The following OCA2 variants were observed in gnomAD, a reference collection of about 807,000 sequenced individuals.
The protein encoded by OCA2 is P protein.
In OCA2, 77 loss-of-function variants were observed where a neutral mutation model predicts 100.2. The observed-to-expected ratio is 0.77, with a 90% CI of 0.64 to 0.93. The LOEUF (loss-of-function observed/expected upper bound fraction) is 0.93, where lower values mean the gene tolerates loss of function less well. Among genes scored for constraint, OCA2 ranks in the 40% least tolerant of loss-of-function variants. The pLI, the probability that OCA2 is intolerant of heterozygous loss-of-function variation, is 0.00. For missense variants in OCA2, 1,062 were observed against 1,089.1 expected (o/e 0.98, Z 0.35); for synonymous variants, 432 against 439.2 (o/e 0.98, Z 0.21).
At chr15:27,967,334 G>T (rs553990716) in intron 14 of OCA2, among the ~76,000 whole-genome samples, 4 of 152,202 alleles carry the variant, frequency 2.6e-5, no homozygotes, top group African/African-American at 9.6e-5. Flanking sequence ...AATTGTTAAC[G>T]TTTGTTTCTT....
At chr15:27,758,748 T>G (rs772856952) in intron 23 of OCA2, among the ~76,000 whole-genome samples, 38 of 151,894 alleles carry the variant, frequency 2.5e-4, no homozygotes, top group Non-Finnish European at 5.3e-4. Context: ...AAAGAATCGG[T>G]GAACTTGAAG....
At chr15:27,770,409 C>A (rs1239791369) in intron 23 of OCA2, among the ~76,000 whole-genome samples, 2 of 152,198 alleles carry the variant, frequency 1.3e-5, no homozygotes, top group Non-Finnish European at 2.9e-5. Context: ...CCGTCTCCGC[C>A]GGCAGAAGAG....
intron 2 of OCA2, among the ~76,000 whole-genome samples, chr15:28,074,684 A>C (rs1432150843): frequency 3.3e-5 from 5 of 151,290 alleles, no homozygotes; most frequent in African/African-American, 1.2e-4. Context: ...AAAAAAAAAA[A>C]AAAAAAAAAA....
intron 22 of OCA2, among the ~76,000 whole-genome samples, chr15:27,848,204 C>A (rs1442167855): frequency 6.6e-6 from 1 of 152,204 alleles, no homozygotes; most frequent in African/African-American, 2.4e-5. Flanking sequence ...CTGGCCAGGA[C>A]CAGAAACCCA....
intron 23 of OCA2, among the ~76,000 whole-genome samples, chr15:27,820,975 C>G (rs545412725): frequency 5.9e-5 from 9 of 152,174 alleles, no homozygotes; most frequent in Non-Finnish European, 1.2e-4. Context: ...GAGAGATACA[C>G]ACTGTTCTCC....
chr15:27,981,910 A>C (rs1244094832), intron 14 of OCA2, among the ~76,000 whole-genome samples: 1 of 152,064 alleles, frequency 6.6e-6, no homozygotes, highest in African/African-American at 2.4e-5. Flanking sequence ...CCCTCCCTGC[A>C]CTGCACTCTG....
chr15:27,846,490 C>T (rs1292311462), intron 22 of OCA2, among the ~76,000 whole-genome samples: 2 of 152,242 alleles, frequency 1.3e-5, no homozygotes, highest in African/African-American at 2.4e-5. Flanking sequence ...CAGCAACTTG[C>T]GTGAGTGCTG....
At chr15:27,722,770 T>G in the OCA2 span, among the ~76,000 whole-genome samples, 1 of 82,878 alleles carries the variant, frequency 1.2e-5, no homozygotes, top group South Asian at 4.3e-4. Flanking sequence ...CCTTTCTTTC[T>G]TTTCTTTCTT....
chr15:27,758,601 T>C (rs1322975160), intron 23 of OCA2, among the ~76,000 whole-genome samples: 2 of 151,926 alleles, frequency 1.3e-5, no homozygotes, highest in Non-Finnish European at 2.9e-5. Context: ...CAAACACACT[T>C]GAAATAAGTG....
At chr15:28,088,567 TGAGA>T (rs1339297258) in intron 1 of OCA2, among the ~76,000 whole-genome samples, 3 of 152,170 alleles carry the variant, frequency 2.0e-5, no homozygotes, top group Admixed American at 6.5e-5. Flanking sequence ...TCGGCTGGTC[TGAGA>T]AATAAAGGGA....
intron 18 of OCA2, among the ~76,000 whole-genome samples, chr15:27,940,512 C>T (rs781314469): frequency 6.6e-6 from 1 of 152,214 alleles, no homozygotes; most frequent in Non-Finnish European, 1.5e-5. Flanking sequence ...TCACAAAACG[C>T]CAGTGTCTCT....
intron 1 of OCA2, among the ~76,000 whole-genome samples, chr15:28,096,511 G>A (rs1317680592): frequency 2.0e-5 from 3 of 152,190 alleles, no homozygotes; most frequent in Non-Finnish European, 1.5e-5. Context: ...GCCTGAAGAA[G>A]CCCGTCCAGG....
intron 15 of OCA2, among the ~76,000 whole-genome samples, chr15:27,958,901 C>A (rs2040318486): frequency 6.6e-6 from 1 of 152,118 alleles, no homozygotes; most frequent in Non-Finnish European, 1.5e-5. Context: ...AGATTCAAGG[C>A]ATGGTGATCA....
chr15:27,722,457 G>A, the OCA2 span, among the ~76,000 whole-genome samples: 4 of 152,178 alleles, frequency 2.6e-5, no homozygotes, highest in Non-Finnish European at 5.9e-5. Flanking sequence ...GGCAGGTATG[G>A]GCAATCTGGT....
intron 2 of OCA2, among the ~76,000 whole-genome samples, chr15:28,055,487 G>A (rs1404036508): frequency 6.6e-6 from 1 of 152,182 alleles, no homozygotes; most frequent in Non-Finnish European, 1.5e-5. Context: ...GGGCAGAGTT[G>A]GCCTTTCACG....
At chr15:27,959,427 A>T (rs2040338050) in intron 15 of OCA2, among the ~76,000 whole-genome samples, 1 of 152,208 alleles carries the variant, frequency 6.6e-6, no homozygotes. Context: ...GAACACAAAA[A>T]CACCATCTGT....
intron 23 of OCA2, among the ~76,000 whole-genome samples, chr15:27,825,978 C>T (rs548293585): frequency 3.3e-5 from 5 of 152,344 alleles, no homozygotes; most frequent in East Asian, 1.9e-4. Context: ...TTCAGCTTCT[C>T]AATTCCAGAC....
At chr15:27,830,680 G>A (rs2034915045) in intron 23 of OCA2, among the ~76,000 whole-genome samples, 1 of 152,064 alleles carries the variant, frequency 6.6e-6, no homozygotes, top group African/African-American at 2.4e-5. Flanking sequence ...CAACTGAGAG[G>A]GGAGATTTGA....
chr15:27,865,801 G>T (rs2036297986), intron 21 of OCA2, among the ~76,000 whole-genome samples: 1 of 152,168 alleles, frequency 6.6e-6, no homozygotes, highest in African/African-American at 2.4e-5. Flanking sequence ...AGCAGCAGGT[G>T]CAGAGGGACG....
Sources: gnomAD v4.1 joint callset for allele counts (sites outside exome capture counted in the v4.1 genomes callset) on GRCh38, gnomAD v4.1.1 for gene constraint, MANE v1.5 for transcripts, NCBI Gene and HGNC (gene_info 2026-07-23, HGNC 2026-07-21) for gene names.